Variants in CLDN18 observed in about 807,000 individuals in gnomAD.
CLDN18 encodes claudin 18, also known as claudin-18.
Under a neutral mutation model 25.0 loss-of-function variants are expected in CLDN18, and 20 were observed. That is an observed-to-expected ratio of 0.80 (90% CI 0.56 to 1.16). CLDN18 has a LOEUF of 1.16. Ranked by LOEUF, CLDN18 falls within the 50% of genes most tolerant of loss-of-function variation. The pLI is 0.00. For missense variants in CLDN18, 297 were observed against 345.4 expected (o/e 0.86, Z 1.11); for synonymous variants, 125 against 135.6 (o/e 0.92, Z 0.54).
At chr3:138,015,644 GATC>G (rs1942193770) in intron 1 of CLDN18, among the ~76,000 whole-genome samples, 1 of 152,074 alleles carries the variant, frequency 6.6e-6, no homozygotes, top group Non-Finnish European at 1.5e-5. Flanking sequence ...GAGACAGAAG[GATC>G]ATCACTTGAA....
At chr3:138,029,237 T>G (rs370916442) in intron 3 of CLDN18, among the ~76,000 whole-genome samples, 4 of 152,096 alleles carry the variant, frequency 2.6e-5, no homozygotes, top group Non-Finnish European at 4.4e-5. Flanking sequence ...CCTCCACCTC[T>G]CAGGTTCAAG....
intron 1 of CLDN18, among the ~76,000 whole-genome samples, chr3:138,000,069 G>C (rs1300545699): frequency 6.6e-6 from 1 of 152,190 alleles, no homozygotes; most frequent in African/African-American, 2.4e-5. Flanking sequence ...GCAGGGTCAA[G>C]ACTTAGACAC....
intron 1 of CLDN18, among the ~76,000 whole-genome samples, chr3:138,001,374 C>T (rs1441659043): frequency 9.3e-6 from 1 of 108,098 alleles, no homozygotes; most frequent in African/African-American, 3.4e-5. Flanking sequence ...CAATATCCCC[C>T]CATTCTTTTT....
exon 1 of CLDN18, chr3:137,999,009 G>C (rs776146857): frequency 6.2e-7 from 1 of 1,614,088 alleles, no homozygotes; most frequent in Non-Finnish European, 8.5e-7. Context: ...TCAACTACCA[G>C]GGGCTGTGGC....
intron 3 of CLDN18, among the ~76,000 whole-genome samples, chr3:138,026,801 G>A (rs927668799): frequency 3.3e-5 from 5 of 152,186 alleles, no homozygotes; most frequent in Admixed American, 6.5e-5. Flanking sequence ...CCAAGCACGG[G>A]CGTGATTTCA....
At position 138,029,857 on chromosome 3, in the gene CLDN18, G is replaced by T; in HGVS notation, c.564G>T (p.Gly188=). 1 of 1,599,304 alleles carries T rather than the reference G, an allele frequency of 6.3e-7. No homozygotes were observed. Among genetic ancestry groups the T allele is most frequent in the Non-Finnish European group, 8.5e-7 (1 of 1,173,578 alleles). The part of the protein sequence containing the change: ...GWVAGGLTLI[G]GVMMCIACRG... The stretch of plus-strand genomic sequence containing the variant: ...TCGCTGGAGGCCTCACACTAATTGG[G>T]GGTGTGATGATGTGCATCGCCTGCC... The change falls in exon 4 of 5, where the codon GGG becomes GGT. Residue 188 remains glycine, a synonymous_variant. Coordinates refer to ENST00000183605, the MANE Select transcript of CLDN18 (RefSeq NM_016369.4).
At chr3:138,013,751 T>C (rs775300282) in intron 1 of CLDN18, among the ~76,000 whole-genome samples, 1 of 152,182 alleles carries the variant, frequency 6.6e-6, no homozygotes, top group Admixed American at 6.5e-5. Flanking sequence ...GAACATCAAA[T>C]AGTCAAAACC....
intron 3 of CLDN18, among the ~76,000 whole-genome samples, chr3:138,029,390 T>G (rs2107890409): frequency 6.6e-6 from 1 of 152,230 alleles, no homozygotes; most frequent in East Asian, 1.9e-4. Flanking sequence ...AGTTGAAACT[T>G]GGCCTCCCAA....
At chr3:138,001,090 A>T (rs1182301139) in intron 1 of CLDN18, among the ~76,000 whole-genome samples, 1 of 152,264 alleles carries the variant, frequency 6.6e-6, no homozygotes, top group African/African-American at 2.4e-5. Flanking sequence ...TTGGTACTAC[A>T]ATTATCATTT....
Position 138,010,463 on chromosome 3 carries a change from C to G in CLDN18, c.220+18C>G. 1 of 1,612,902 alleles carries G rather than the reference C, an allele frequency of 6.2e-7. No individual in the cohort carries two copies. Among genetic ancestry groups the G allele is most frequent in the Admixed American group, 1.7e-5 (1 of 60,010 alleles). ...ACTTCCAGGTAGGCACCGTGCACCC[C>G]GGGGTAGAGCCAGGTGAACCAGGTG... On this transcript the variant is annotated intron_variant, in intron 1 of 4. Coordinates refer to ENST00000183605, the MANE Select transcript of CLDN18 (RefSeq NM_016369.4).
chr3:138,007,150 T>C (rs1416959898), upstream of CLDN18, among the ~76,000 whole-genome samples: 1 of 152,200 alleles, frequency 6.6e-6, no homozygotes, highest in African/African-American at 2.4e-5. Context: ...CAATAGAGCT[T>C]TTTAAGAATA....
intron 1 of CLDN18, among the ~76,000 whole-genome samples, chr3:138,015,307 A>G (rs1257973044): frequency 6.6e-6 from 1 of 152,212 alleles, no homozygotes; most frequent in Non-Finnish European, 1.5e-5. Context: ...AGGAGTAACA[A>G]CGAGCCAGGA....
intron 1 of CLDN18, among the ~76,000 whole-genome samples, chr3:138,022,100 T>A (rs1157082510): frequency 6.6e-6 from 1 of 152,118 alleles, no homozygotes; most frequent in African/African-American, 2.4e-5. Flanking sequence ...TTCATCTGCT[T>A]GCCATTATAC....
In CLDN18 at chr3:138,031,050, G is replaced by A. The variant is rs1213313296; in HGVS notation, c.695G>A (p.Gly232Glu). The A allele has an allele frequency of 8.7e-6, 14 of 1,614,006 alleles. No individual in the cohort carries two copies. The highest frequency in any genetic ancestry group is 1.6e-4 in the Middle Eastern group (1 of 6,068). The change falls in exon 5 of 5, where the codon GGG becomes GAG. Residue 232 changes from glycine (G) to glutamate (E), a missense_variant. Gly to Glu is a moderately conservative substitution (Grantham distance 98). Coordinates refer to ENST00000183605, the MANE Select transcript of CLDN18 (RefSeq NM_016369.4). ...GGCTTCAAGGCCAGCACTGGCTTTG[G>A]GTCCAACACCAAAAACAAGAAGATA... The part of the protein sequence containing the change: ...PGGFKASTGF[G>E]SNTKNKKIYD...
chr3:138,015,000 G>T (rs185027270), intron 1 of CLDN18, among the ~76,000 whole-genome samples: 1 of 152,202 alleles, frequency 6.6e-6, no homozygotes, highest in Non-Finnish European at 1.5e-5. Flanking sequence ...TGGGCACAGT[G>T]GTGTATGCCA....
chr3:138,033,349 TTTG>T lies in CLDN18; in HGVS notation c.*2211_*2213del, dbSNP rs1173239627. On this transcript the variant is annotated 3_prime_UTR_variant, in exon 5 of 5. Transcript: ENST00000183605. ...GGGTTGAGCAATCTAGAGCATGGAG[TTTG>T]TTAAGTGCTCTCTGGATTTGAGTTG... The T allele has an allele frequency of 6.6e-6, 1 of 151,878 alleles. No individual in the cohort carries two copies. The highest frequency in any genetic ancestry group is 1.5e-5 in the Non-Finnish European group (1 of 67,944). The allele number at this position is 151,878 out of a possible 1,614,324, so 9.4% of individuals were successfully genotyped here. A position where few individuals can be genotyped will look rare whatever the true frequency, so the allele number is the denominator to read the frequency against.
At chr3:138,005,568 T>C (rs192559411), upstream of CLDN18, among the ~76,000 whole-genome samples, 2 of 152,292 alleles carry the variant, frequency 1.3e-5, no homozygotes, top group African/African-American at 4.8e-5. Flanking sequence ...GGACATGAAC[T>C]CATATTCGTT....
At chr3:138,025,560 G>A (rs1942317755) in intron 3 of CLDN18, among the ~76,000 whole-genome samples, 1 of 152,102 alleles carries the variant, frequency 6.6e-6, no homozygotes, top group African/African-American at 2.4e-5. Context: ...GGGAGGGTGT[G>A]ATAAATCCAT....
upstream of CLDN18, among the ~76,000 whole-genome samples, chr3:138,008,893 C>G (rs1420629797): frequency 6.6e-6 from 1 of 152,138 alleles, no homozygotes; most frequent in Non-Finnish European, 1.5e-5. Flanking sequence ...ACACTGCACT[C>G]CAGTCTGGGC....
Sources: gnomAD v4.1 joint callset for allele counts (sites outside exome capture counted in the v4.1 genomes callset) on GRCh38, gnomAD v4.1.1 for gene constraint, MANE v1.5 for transcripts, NCBI Gene and HGNC (gene_info 2026-07-23, HGNC 2026-07-21) for gene names.